KAZN: variants seen among roughly 807,000 people sequenced by gnomAD.
KAZN encodes the protein kazrin.
In KAZN, 40 loss-of-function variants were observed where a neutral mutation model predicts 87.4. The ratio of observed to expected loss-of-function variants is 0.46; its 90% CI spans 0.36 to 0.60. The LOEUF (loss-of-function observed/expected upper bound fraction) is 0.60, where lower values mean the gene tolerates loss of function less well. Ranked by LOEUF, KAZN falls within the 20% of genes least tolerant of loss-of-function variation. The probability of loss-of-function intolerance (pLI) is 0.00; values close to 1 mark genes in which losing one functional copy is unlikely to be tolerated. For missense variants in KAZN, 898 were observed against 1,073.9 expected, an observed-to-expected ratio of 0.84 and a Z score of 2.29; for synonymous variants, 466 against 458.3, an observed-to-expected ratio of 1.02 and a Z score of -0.22.
At chr1:14,030,477 G>A (rs1383668833) in intron 1 of KAZN, among the ~76,000 whole-genome samples, 3 of 151,872 alleles carry the variant, frequency 2.0e-5, no homozygotes, top group African/African-American at 7.3e-5. Context: ...TACACCTAAT[G>A]CTAGATGACG....
chr1:14,295,232 C>T (rs947362744), intron 2 of KAZN, among the ~76,000 whole-genome samples: 1 of 152,218 alleles, frequency 6.6e-6, no homozygotes, highest in African/African-American at 2.4e-5. Flanking sequence ...ACATTTCTGT[C>T]TCATCTCCAG....
intron 1 of KAZN, among the ~76,000 whole-genome samples, chr1:13,921,151 T>G (rs1161658807): frequency 1.3e-5 from 2 of 152,238 alleles, no homozygotes; most frequent in African/African-American, 2.4e-5. Flanking sequence ...TGGTGTTTTT[T>G]ATTTCCATAA....
intron 1 of KAZN, among the ~76,000 whole-genome samples, chr1:14,858,819 C>T (rs1173743297): frequency 6.6e-6 from 1 of 152,168 alleles, no homozygotes; most frequent in Non-Finnish European, 1.5e-5. Context: ...CCCTGTAACT[C>T]GCCAGTGAAT....
chr1:14,695,562 G>C (rs991505106), intron 1 of KAZN, among the ~76,000 whole-genome samples: 45 of 128,542 alleles, frequency 3.5e-4, no homozygotes, highest in African/African-American at 1.2e-3. Flanking sequence ...CTGGAGTGCA[G>C]TGGCGCAATC....
chr1:14,776,967 G>GAAAAAAAAAA (rs1450009750), intron 1 of KAZN, among the ~76,000 whole-genome samples: 2 of 147,644 alleles, frequency 1.4e-5, no homozygotes, highest in African/African-American at 5.0e-5. Context: ...AGACGTCTTT[G>GAAAAAAAAAA]AAGTCGGTAT....
At chr1:14,368,861 CT>C (rs1384166060) in intron 2 of KAZN, among the ~76,000 whole-genome samples, 3 of 151,830 alleles carry the variant, frequency 2.0e-5, no homozygotes, top group East Asian at 3.9e-4. Context: ...GAGGTACTGG[CT>C]TTTTTTTTCT....
chr1:14,902,697 G>T (rs146746561), intron 1 of KAZN, among the ~76,000 whole-genome samples: 1,537 of 152,202 alleles, frequency 0.01, 33 homozygotes, highest in African/African-American at 0.035. Flanking sequence ...TCAGTGAGAG[G>T]GGTGGGAGCT....
At chr1:14,555,343 CAATTACAGT>C (rs1179820925) in intron 2 of KAZN, among the ~76,000 whole-genome samples, 3 of 152,160 alleles carry the variant, frequency 2.0e-5, no homozygotes, top group Non-Finnish European at 4.4e-5. Flanking sequence ...GGACATTTAG[CAATTACAGT>C]AATAGTGATT....
chr1:14,570,044 T>C (rs922490744), intron 2 of KAZN, among the ~76,000 whole-genome samples: 4 of 152,058 alleles, frequency 2.6e-5, no homozygotes, highest in East Asian at 1.9e-4. Context: ...ACCCAGGAGG[T>C]AGAGGTTGCA....
At chr1:14,347,291 C>A (rs1199511119) in intron 2 of KAZN, among the ~76,000 whole-genome samples, 1 of 152,200 alleles carries the variant, frequency 6.6e-6, no homozygotes, top group African/African-American at 2.4e-5. Context: ...CAGCACATAA[C>A]ATGGACAACT....
chr1:14,533,277 A>G (rs770812387), intron 2 of KAZN, among the ~76,000 whole-genome samples: 7 of 152,200 alleles, frequency 4.6e-5, no homozygotes, highest in Non-Finnish European at 8.8e-5. Context: ...TTAGACATAG[A>G]GTAGTGGGGG....
At chr1:14,349,902 G>A (rs111979744) in intron 2 of KAZN, among the ~76,000 whole-genome samples, 197 of 152,028 alleles carry the variant, frequency 1.3e-3, no homozygotes, top group African/African-American at 4.5e-3. Flanking sequence ...TTTGGGAGGC[G>A]GAGGAGGGCG....
intron 2 of KAZN, among the ~76,000 whole-genome samples, chr1:14,416,634 G>A (rs1192245096): frequency 1.3e-5 from 2 of 152,130 alleles, no homozygotes; most frequent in Non-Finnish European, 2.9e-5. Context: ...CTACTCAGGA[G>A]CCTAAGGCAG....
intron 1 of KAZN, among the ~76,000 whole-genome samples, chr1:14,867,469 T>C (rs1651598404): frequency 6.6e-6 from 1 of 152,146 alleles, no homozygotes; most frequent in Non-Finnish European, 1.5e-5. Context: ...GGATGGTGCA[T>C]CCTCCAGCTG....
chr1:13,913,238 A>G (rs1639718405), intron 1 of KAZN, among the ~76,000 whole-genome samples: 1 of 152,158 alleles, frequency 6.6e-6, no homozygotes, highest in African/African-American at 2.4e-5. Flanking sequence ...AGAGGATTTC[A>G]GCAAGTTAGA....
intron 1 of KAZN, among the ~76,000 whole-genome samples, chr1:14,947,177 G>C (rs914860735): frequency 1.3e-5 from 2 of 152,210 alleles, no homozygotes; most frequent in African/African-American, 4.8e-5. Flanking sequence ...TGAGCTTTGG[G>C]CTCCCTGTGT....
In KAZN at chr1:15,103,340, C is replaced by T. The variant is rs557690892; in HGVS notation, c.1780-19C>T. On this transcript the variant is annotated intron_variant, in intron 11 of 14. Coordinates refer to ENST00000376030, the MANE Select transcript of KAZN (RefSeq NM_201628.3). ...CGTGTCCCCTTGTCCCTCCGAATGA[C>T]CCACTGTCTCCCCACAAGGCCCTCC... is the stretch of plus-strand genomic sequence containing the variant. 10 of 1,543,452 alleles carry T rather than the reference C, an allele frequency of 6.5e-6. No homozygotes were observed. In the East Asian group the frequency reaches 2.2e-4, roughly 34 times the overall value.
intron 1 of KAZN, among the ~76,000 whole-genome samples, chr1:14,725,835 C>T (rs369212562): frequency 2.6e-4 from 39 of 152,196 alleles, no homozygotes; most frequent in African/African-American, 9.4e-4. Context: ...TGAGCCTCTG[C>T]AAGTCTAGCA....
Position 14,064,762 on chromosome 1 carries a change from C to A in KAZN, c.92-115673C>A, listed in dbSNP as rs114049520. On this transcript the variant is annotated intron_variant, in intron 1 of 16. Transcript: ENST00000636203. ...CTTTTGTGTAAGGTTGACTGCCCTG[C>A]GGACGCTCAGGTGACTGTGCTTCTC... Among the ~76,000 whole-genome samples, 1,034 of 152,214 alleles carry A rather than the reference C, an allele frequency of 6.8e-3. 8 individuals carry two copies. Among genetic ancestry groups the A allele is most frequent in the African/African-American group, 0.024 (992 of 41,548 alleles).
Sources: gnomAD v4.1 joint callset for allele counts (sites outside exome capture counted in the v4.1 genomes callset) on GRCh38, gnomAD v4.1.1 for gene constraint, MANE v1.5 for transcripts, NCBI Gene and HGNC (gene_info 2026-07-23, HGNC 2026-07-21) for gene names.